The following DMD variants were observed in gnomAD, a reference collection of about 807,000 sequenced individuals.
DMD encodes the protein dystrophin.
DMD carries 63 observed loss-of-function variants against 330.1 expected under a neutral mutation model. The observed-to-expected ratio is 0.19, with a 90% CI of 0.16 to 0.24. The LOEUF is 0.24. Ranked by LOEUF, DMD falls within the 10% of genes least tolerant of loss-of-function variation. The pLI is 1.00. For synonymous variants in DMD, 1,223 were observed against 959.8 expected, an observed-to-expected ratio of 1.27 and a Z score of -5.07; for missense variants, 3,344 against 2,684.1, an observed-to-expected ratio of 1.25 and a Z score of -5.43.
At chrX:32,858,587 C>T (rs992842610) in intron 2 of DMD, among the ~76,000 whole-genome samples, 1 of 111,640 alleles carries the variant, frequency 9.0e-6, no homozygotes, top group African/African-American at 3.3e-5. Context: ...CTCAGCTTCC[C>T]AAAGTACTGG....
At chrX:33,261,627 A>AACACACACACACAC (rs56984530) in intron 1 of DMD, among the ~76,000 whole-genome samples, 3 of 89,119 alleles carry the variant, frequency 3.4e-5, no homozygotes, top group African/African-American at 8.2e-5. Context: ...ATACGGGAAG[A>AACACACACACACAC]ACACACACAC....
chrX:32,641,382 T>C (rs1423259433), intron 11 of DMD: 2 of 107,299 alleles, frequency 1.9e-5, no homozygotes, highest in Non-Finnish European at 4.1e-5. Context: ...TTTGTTCATA[T>C]AGAGAGATAT....
intron 41 of DMD, among the ~76,000 whole-genome samples, chrX:32,340,267 T>C (rs1309947952): frequency 8.9e-6 from 1 of 111,980 alleles, no homozygotes; most frequent in Non-Finnish European, 1.9e-5. Context: ...CATGGATAAT[T>C]AAGAGTTAAC....
intron 44 of DMD, among the ~76,000 whole-genome samples, chrX:32,182,662 C>G (rs1363530154): frequency 9.0e-6 from 1 of 111,616 alleles, no homozygotes; most frequent in Non-Finnish European, 1.9e-5. Flanking sequence ...CTAACAGTGT[C>G]TAACACATTT....
chrX:31,204,604 T>C (rs768856795), intron 66 of DMD, among the ~76,000 whole-genome samples: 2 of 112,104 alleles, frequency 1.8e-5, no homozygotes, highest in South Asian at 7.5e-4. Flanking sequence ...TCCCACAGGA[T>C]ACTGTGCATA....
intron 74 of DMD, among the ~76,000 whole-genome samples, chrX:31,150,558 T>A (rs1199437339): frequency 8.9e-6 from 1 of 112,315 alleles, no homozygotes; most frequent in Non-Finnish European, 1.9e-5. Flanking sequence ...ACAGATGATA[T>A]TTCATCAGGT....
chrX:33,009,941 T>TGC (rs2093625624), intron 2 of DMD, among the ~76,000 whole-genome samples: 1 of 50,291 alleles, frequency 2.0e-5, no homozygotes, highest in Non-Finnish European at 3.4e-5. Context: ...TGTGTGTATA[T>TGC]ACACGTGTGT....
chrX:32,733,518 G>A (rs1177990916), intron 7 of DMD, among the ~76,000 whole-genome samples: 2 of 110,860 alleles, frequency 1.8e-5, no homozygotes, highest in Non-Finnish European at 3.8e-5. Context: ...TGGAAGTAAA[G>A]CTCTCCTCAG....
At chrX:32,144,510 A>C (rs2096769244) in intron 44 of DMD, among the ~76,000 whole-genome samples, 1 of 111,899 alleles carries the variant, frequency 8.9e-6, no homozygotes, top group African/African-American at 3.2e-5. Context: ...ATAGCACTTT[A>C]AAGTAATACA....
At chrX:31,559,467 C>A (rs1455438531) in intron 55 of DMD, among the ~76,000 whole-genome samples, 1 of 81,977 alleles carries the variant, frequency 1.2e-5, no homozygotes, top group Non-Finnish European at 2.2e-5. Flanking sequence ...ACGGTGAAAC[C>A]CCGTCTCTAC....
At chrX:32,136,974 C>T (rs1247357705) in intron 44 of DMD, among the ~76,000 whole-genome samples, 1 of 111,096 alleles carries the variant, frequency 9.0e-6, no homozygotes, top group Non-Finnish European at 1.9e-5. Flanking sequence ...CTAACCTGCA[C>T]ATTGTGCACA....
chrX:32,979,109 T>C (rs900710967), intron 2 of DMD, among the ~76,000 whole-genome samples: 12 of 112,108 alleles, frequency 1.1e-4, no homozygotes, highest in African/African-American at 3.6e-4. Flanking sequence ...CAACATATGA[T>C]CTCCAACTCT....
At chrX:32,051,049 A>T (rs2096110222) in intron 44 of DMD, among the ~76,000 whole-genome samples, 1 of 104,312 alleles carries the variant, frequency 9.6e-6, no homozygotes, top group South Asian at 4.3e-4. Context: ...CCTGGGCTCA[A>T]TCGATAATCC....
At position 31,879,212 on chromosome X, in the gene DMD, G is replaced by GGGC. The variant is rs1457284561; in HGVS notation, c.6913-3840_6913-3839insGCC. ...ATGGACTCACCATTCTACATGGCGGGGGGGGGCCTCACAATCATGGCAGAA... is the reference window on the plus strand; with the variant it reads ...ATGGACTCACCATTCTACATGGCGGGGGCGGGGGGCCTCACAATCATGGCAGAA... On this transcript the variant is annotated intron_variant, in intron 47 of 78. Transcript: ENST00000357033. Among the ~76,000 whole-genome samples the GGGC allele has an allele frequency of 8.6e-4, 89 of 102,928 alleles. 1 individual carries two copies. Among genetic ancestry groups the GGGC allele is most frequent in the Non-Finnish European group, 1.4e-3 (69 of 49,018 alleles). 89.4% of individuals were successfully genotyped at this position (102,928 alleles called of 115,157 possible). A position where few individuals can be genotyped will look rare whatever the true frequency, so the allele number is the denominator to read the frequency against.
In DMD at chrX:32,603,828, C is replaced by T. The variant is rs370665529; in HGVS notation, c.1483-7952G>A. ...CAAGAAGCAAAAATCTTGGACAGAC[C>T]AATAACAAATAGTGAAACTGAATCA... On this transcript the variant is annotated intron_variant, in intron 12 of 78. Transcript: ENST00000357033. 5.3e-4 allele frequency among the ~76,000 whole-genome samples: 59 copies of T among 110,948 alleles called. 2 individuals are homozygous for T. Among genetic ancestry groups the T allele is most frequent in the Middle Eastern group, 4.6e-3 (1 of 217 alleles).
intron 50 of DMD, among the ~76,000 whole-genome samples, chrX:31,812,934 C>T (rs1363493826): frequency 1.8e-5 from 2 of 112,207 alleles, no homozygotes; most frequent in African/African-American, 6.5e-5. Context: ...GAAGTAGACC[C>T]TGAGACAAGG....
intron 2 of DMD, among the ~76,000 whole-genome samples, chrX:32,910,831 G>T (rs749055525): frequency 8.9e-6 from 1 of 112,098 alleles, no homozygotes; most frequent in African/African-American, 3.2e-5. Flanking sequence ...AAGGAAATAT[G>T]AACTTGCTTT....
chrX:31,597,238 T>A (rs2077152531), intron 55 of DMD, among the ~76,000 whole-genome samples: 1 of 111,983 alleles, frequency 8.9e-6, no homozygotes, highest in Non-Finnish European at 1.9e-5. Flanking sequence ...ATACGGTTTT[T>A]AAAAAATACT....
chrX:31,270,093 CT>C (rs1176373282), intron 62 of DMD, among the ~76,000 whole-genome samples: 2 of 111,645 alleles, frequency 1.8e-5, no homozygotes, highest in Non-Finnish European at 3.8e-5. Context: ...AGCCACAAGT[CT>C]TGTTGGCCAG....
Sources: allele counts gnomAD v4.1 joint callset (sites outside exome capture counted in the v4.1 genomes callset), GRCh38; gene constraint gnomAD v4.1.1; transcripts MANE v1.5; gene names NCBI Gene and HGNC (gene_info 2026-07-23, HGNC 2026-07-21).